IFIH1: variants seen among roughly 807,000 people sequenced by gnomAD.
The protein encoded by IFIH1 is interferon induced with helicase C domain 1, also known as interferon-induced helicase C domain-containing protein 1.
A neutral mutation model predicts 107.4 loss-of-function variants in IFIH1; 125 were observed. The observed-to-expected ratio is 1.16, with a 90% confidence interval of 1.01 to 1.35. IFIH1 has a LOEUF of 1.35. Among genes scored for constraint, IFIH1 ranks in the 40% most tolerant of loss-of-function variants. The pLI, the probability that IFIH1 is intolerant of heterozygous loss-of-function variation, is 0.00. For synonymous variants in IFIH1, 458 were observed against 413.2 expected, an observed-to-expected ratio of 1.11 and a Z score of -1.31; for missense variants, 1,333 against 1,213.7, an observed-to-expected ratio of 1.10 and a Z score of -1.46.
Position 162,276,853 on chromosome 2 carries a change from G to C in IFIH1, c.2138C>G (p.Thr713Ser), listed in dbSNP as rs201841403. The C allele has an allele frequency of 7.8e-5, 126 of 1,613,566 alleles. No homozygotes were observed. Among genetic ancestry groups the C allele is most frequent in the Admixed American group, 5.0e-5 (3 of 59,936 alleles). Residue 713 changes from threonine (T) to serine (S), a missense_variant, in exon 11 of 16, where the codon ACT (threonine) becomes AGT (serine). Thr to Ser is a moderately conservative substitution (Grantham distance 58). Transcript: ENST00000649979. ...KLRNTIMEQY[T>S]RTEESARGII... ...TCCTCGTGCTGATTCCTCAGTCCTAGTATATTGCTCCATTATGGTATTTCT... is the reference window on the plus strand; with the variant it reads ...TCCTCGTGCTGATTCCTCAGTCCTACTATATTGCTCCATTATGGTATTTCT...
At chr2:162,283,728 C>G (rs1326089231) in intron 5 of IFIH1, among the ~76,000 whole-genome samples, 1 of 151,924 alleles carries the variant, frequency 6.6e-6, no homozygotes, top group East Asian at 1.9e-4. Flanking sequence ...GGCTGATCCC[C>G]CTGGCTAAAG....
At chr2:162,304,674 C>T (rs1473888991) in intron 3 of IFIH1, among the ~76,000 whole-genome samples, 1 of 152,024 alleles carries the variant, frequency 6.6e-6, no homozygotes, top group Non-Finnish European at 1.5e-5. Context: ...ATTAACAAAA[C>T]AAAGAGAATG....
intron 9 of IFIH1, 124 bp downstream of exon 9, chr2:162,278,081 G>T: frequency 3.9e-6 from 3 of 776,844 alleles, no homozygotes; most frequent in Non-Finnish European, 6.3e-6. Context: ...GTCCTACAGA[G>T]AACACAGAAA....
intron 3 of IFIH1, among the ~76,000 whole-genome samples, chr2:162,296,137 T>C (rs1683080953): frequency 6.6e-6 from 1 of 152,134 alleles, no homozygotes; most frequent in Admixed American, 6.6e-5. Context: ...GCAGTTAAAC[T>C]TTAATCTTAA....
intron 13 of IFIH1, among the ~76,000 whole-genome samples, chr2:162,268,890 C>T (rs1224609064): frequency 1.3e-5 from 2 of 152,154 alleles, no homozygotes; most frequent in Non-Finnish European, 1.5e-5. Flanking sequence ...CGCCAGCCTA[C>T]CCATTTGTTT....
chr2:162,312,953 T>C lies in IFIH1; in HGVS notation c.454-2020A>G, dbSNP rs1204954631. Among the ~76,000 whole-genome samples, 6 of 152,202 alleles carry C rather than the reference T, an allele frequency of 3.9e-5. No individual in the cohort carries two copies. In the South Asian group the frequency reaches 1.2e-3, roughly 31 times the overall value. On this transcript the variant is annotated intron_variant, in intron 1 of 15. Transcript: ENST00000649979. ...ATTAAAAATCCCTAAGCATATTCTA[T>C]CCACAAAATTTTCTTCAACCACTAT...
At chr2:162,278,445 G>A (rs1682745363) in intron 8 of IFIH1, 117 bp from the exon 9 acceptor site, 2 of 602,158 alleles carry the variant, frequency 3.3e-6, no homozygotes, top group Non-Finnish European at 5.4e-6. Context: ...TTTAGACAAA[G>A]TAACAGGTTA....
At chr2:162,301,420 A>C (rs1043977925) in intron 3 of IFIH1, among the ~76,000 whole-genome samples, 2 of 152,262 alleles carry the variant, frequency 1.3e-5, no homozygotes, top group Non-Finnish European at 2.9e-5. Context: ...AGTTTTCACA[A>C]TAGGGCAGCT....
At chr2:162,288,419 G>C in intron 4 of IFIH1, 64 bp from the exon 5 acceptor site, 1 of 1,202,156 alleles carries the variant, frequency 8.3e-7, no homozygotes, top group Non-Finnish European at 1.2e-6. Flanking sequence ...TAGGAAGCCT[G>C]AAACTGAACG....
rs143246407 is a variant in IFIH1 at position 162,318,068 on chromosome 2, C to T, written c.240G>A (p.Val80=). The T allele has an allele frequency of 6.2e-7, 1 of 1,614,152 alleles. No homozygotes were observed. The part of the protein sequence containing the change: ...VWHLGWTREF[V]EALRRTGSPL... ...GGCTGCCGGTTCTCCGGAGGGCCTC[C>T]ACGAATTCCCGAGTCCAACCAAGGT... The change falls in exon 1 of 16, where the codon GTG becomes GTA. Residue 80 remains valine, a synonymous_variant. Coordinates refer to ENST00000649979, the MANE Select transcript of IFIH1 (RefSeq NM_022168.4).
chr2:162,318,252 C>T lies in IFIH1; in HGVS notation c.56G>A (p.Arg19Lys). ...ENFRYLISCF[R>K]ARVKMYIQVE... The stretch of plus-strand genomic sequence containing the variant: ...CTGGATGTACATTTTCACCCTGGCC[C>T]TGAAGCACGAGATGAGATAGCGGAA... Residue 19 changes from arginine (R) to lysine (K), a missense_variant, in exon 1 of 16, where the codon AGG (arginine) becomes AAG (lysine). Arg to Lys is a conservative substitution (Grantham distance 26). Coordinates refer to ENST00000649979, the MANE Select transcript of IFIH1 (RefSeq NM_022168.4). 1 of 1,614,164 alleles carries T rather than the reference C, an allele frequency of 6.2e-7. No individual in the cohort carries two copies. Among genetic ancestry groups the T allele is most frequent in the Non-Finnish European group, 8.5e-7 (1 of 1,180,040 alleles).
intron 1 of IFIH1, among the ~76,000 whole-genome samples, chr2:162,314,914 C>T (rs1174663269): frequency 2.0e-5 from 3 of 152,182 alleles, no homozygotes; most frequent in Non-Finnish European, 4.4e-5. Context: ...AAAGATGCCA[C>T]TCAATAAATT....
At position 162,273,822 on chromosome 2, in the gene IFIH1, G is replaced by A. The variant is rs74162086; in HGVS notation, c.2427C>T (p.Leu809=). 8.7e-5 allele frequency: 139 copies of A among 1,600,094 alleles called. 1 individual carries two copies. The highest frequency in any genetic ancestry group is 1.0e-4 in the Admixed American group (6 of 57,662). The change falls in exon 12 of 16, where the codon CTC becomes CTT. Residue 809 remains leucine, a synonymous_variant. Transcript: ENST00000649979. ...GGACCATGGCTATTTCATTGGTGAC[G>A]AGACCATAACGGATAACAATGTTAC... ...KECNIVIRYG[L]VTNEIAMVQA...
chr2:162,315,300 A>G (rs1396767704), intron 1 of IFIH1, among the ~76,000 whole-genome samples: 5 of 152,238 alleles, frequency 3.3e-5, no homozygotes, highest in East Asian at 1.9e-4. Flanking sequence ...CAATTAGTCT[A>G]TCAATCAAGT....
chr2:162,268,821 C>A (rs1690977714), intron 13 of IFIH1, among the ~76,000 whole-genome samples: 1 of 152,144 alleles, frequency 6.6e-6, no homozygotes, highest in South Asian at 2.1e-4. Context: ...AATTCTTGAT[C>A]TCAGTGATCC....
intron 3 of IFIH1, among the ~76,000 whole-genome samples, chr2:162,304,354 T>C (rs1683243566): frequency 6.6e-6 from 1 of 152,074 alleles, no homozygotes; most frequent in Non-Finnish European, 1.5e-5. Context: ...GCCAGCTACT[T>C]GGGAGACTGA....
intron 3 of IFIH1, among the ~76,000 whole-genome samples, chr2:162,303,269 C>T (rs1342203886): frequency 6.6e-6 from 1 of 152,120 alleles, no homozygotes; most frequent in East Asian, 1.9e-4. Flanking sequence ...CATCTGCCAC[C>T]ATGCTCGGCT....
intron 5 of IFIH1, among the ~76,000 whole-genome samples, chr2:162,285,473 A>G (rs1682879642): frequency 6.6e-6 from 1 of 152,028 alleles, no homozygotes; most frequent in Non-Finnish European, 1.5e-5. Context: ...AATCAAAAAG[A>G]ATTAAAACTG....
rs1690960133 is a variant in IFIH1 at position 162,268,103 on chromosome 2, T to G, written c.2791A>C (p.Met931Leu). ...TGGACTCACTTGAATTCTGGGGTCATATTGACGTGATGCATTTTCTCAATT... is the reference window on the plus strand; with the variant it reads ...TGGACTCACTTGAATTCTGGGGTCAGATTGACGTGATGCATTTTCTCAATT... ...HVIEKMHHVNMTPEFKELYIV... is the reference protein window; with the variant it reads ...HVIEKMHHVNLTPEFKELYIV... The change falls in exon 14 of 16, where the codon ATG becomes CTG. Residue 931 changes from methionine to leucine, a missense_variant. Coordinates refer to ENST00000649979, the MANE Select transcript of IFIH1 (RefSeq NM_022168.4). 3.7e-6 allele frequency: 6 copies of G among 1,605,374 alleles called. No homozygotes were observed. Among genetic ancestry groups the G allele is most frequent in the Non-Finnish European group, 4.2e-6 (5 of 1,176,600 alleles).
Sources: allele counts gnomAD v4.1 joint callset (sites outside exome capture counted in the v4.1 genomes callset), GRCh38; gene constraint gnomAD v4.1.1; transcripts MANE v1.5; gene names NCBI Gene and HGNC (gene_info 2026-07-23, HGNC 2026-07-21).